SENP6: variants seen among roughly 807,000 people sequenced by gnomAD.
SENP6 encodes sentrin-specific protease 6.
SENP6 carries 41 observed loss-of-function variants against 134.5 expected under a neutral mutation model. That is an observed-to-expected ratio of 0.30 (90% CI 0.24 to 0.40). The LOEUF (loss-of-function observed/expected upper bound fraction) is 0.40. SENP6 is among the 10% of genes least tolerant of loss of function. The probability of loss-of-function intolerance (pLI) is 1.00; values close to 1 mark genes in which losing one functional copy is unlikely to be tolerated. For synonymous variants in SENP6, 395 were observed against 429.8 expected, an observed-to-expected ratio of 0.92 and a Z score of 1.00; for missense variants, 1,248 against 1,312.5, an observed-to-expected ratio of 0.95 and a Z score of 0.76.
chr6:75,631,429 T>C (rs1376404150), intron 3 of SENP6, among the ~76,000 whole-genome samples: 4 of 152,238 alleles, frequency 2.6e-5, no homozygotes, highest in Non-Finnish European at 5.9e-5. Context: ...TAAATTCTAA[T>C]AACTTGCTAT....
chr6:75,687,219 G>A (rs1278099029), intron 16 of SENP6, among the ~76,000 whole-genome samples: 1 of 152,158 alleles, frequency 6.6e-6, no homozygotes, highest in African/African-American at 2.4e-5. Context: ...GTGTCGTGAA[G>A]TTCTTGTGCA....
At position 75,716,044 on chromosome 6, in the gene SENP6, T is replaced by C. The variant is rs1420256401; in HGVS notation, c.*450T>C. On this transcript the variant is annotated 3_prime_UTR_variant, in exon 24 of 24. Coordinates refer to ENST00000447266, the MANE Select transcript of SENP6 (RefSeq NM_015571.4). The stretch of plus-strand genomic sequence containing the variant: ...TCTAAAATAAGTCAAAATGTGAAAA[T>C]AATATTAAATCTAAGATATTTTGAA... The C allele has an allele frequency of 6.5e-6, 1 of 152,870 alleles. No individual in the cohort carries two copies. The highest frequency in any genetic ancestry group is 1.5e-5 in the Non-Finnish European group (1 of 68,290). The allele number at this position is 152,870 out of a possible 1,614,324, so 9.5% of individuals were successfully genotyped here.
Position 75,709,520 on chromosome 6 carries a change from G to A in SENP6, c.2717-7G>A, listed in dbSNP as rs754763006. 6.2e-7 allele frequency: 1 copy of A among 1,602,126 alleles called. No individual in the cohort carries two copies. Among genetic ancestry groups the A allele is most frequent in the Non-Finnish European group, 8.5e-7 (1 of 1,169,598 alleles). On this transcript the variant is annotated splice_polypyrimidine_tract_variant and splice_region_variant and intron_variant, in intron 19 of 23. Coordinates refer to ENST00000447266, the MANE Select transcript of SENP6 (RefSeq NM_015571.4). ...TTTTTATTATGTAATGTTTCTTATT[G>A]ATACAGATGGCTTAAGCAAAATCAG...
At position 75,715,503 on chromosome 6, in the gene SENP6, G is replaced by T; in HGVS notation, c.3248G>T (p.Ser1083Ile). 4 of 1,613,330 alleles carry T rather than the reference G, an allele frequency of 2.5e-6. No individual in the cohort carries two copies. Among genetic ancestry groups the T allele is most frequent in the Non-Finnish European group, 1.7e-6 (2 of 1,179,498 alleles). ...NIILKLQEDQ[S>I]KEKRKHKDTY... The stretch of plus-strand genomic sequence containing the variant: ...ATTCTGAAGCTACAGGAAGATCAGA[G>T]CAAAGAGAAAAGAAAGCATAAGGAC... The change falls in exon 24 of 24, where the codon AGC becomes ATC. Residue 1083 changes from serine to isoleucine, a missense_variant. Physicochemically the swap from Ser to Ile is moderately radical, Grantham distance 142 (BLOSUM62 -2). This residue lies in a region of SENP6 where 386 missense variants were observed against 395.0 expected (regional missense o/e 0.98). Transcript: ENST00000447266.
At chr6:75,630,832 A>T (rs557307233) in intron 3 of SENP6, among the ~76,000 whole-genome samples, 1 of 142,746 alleles carries the variant, frequency 7.0e-6, no homozygotes, top group Non-Finnish European at 1.6e-5. Context: ...CTCCTAATAG[A>T]CATAAAACCA....
In SENP6 at chr6:75,633,571, T is replaced by C; in HGVS notation, c.208-10T>C. ...ATTTTTGACTCATATTTCTGGATCT[T>C]TTTTTACAGTTAAATCGTCGATCTG... On this transcript the variant is annotated splice_polypyrimidine_tract_variant and intron_variant, in intron 3 of 23. Coordinates refer to ENST00000447266, the MANE Select transcript of SENP6 (RefSeq NM_015571.4). The C allele has an allele frequency of 1.3e-6, 2 of 1,582,832 alleles. No homozygotes were observed. The highest frequency in any genetic ancestry group is 8.6e-7 in the Non-Finnish European group (1 of 1,169,310).
intron 11 of SENP6, among the ~76,000 whole-genome samples, chr6:75,672,885 T>A (rs1309168723): frequency 6.6e-6 from 1 of 152,146 alleles, no homozygotes; most frequent in African/African-American, 2.4e-5. Context: ...TGGAGTGCAG[T>A]GGCGCAATCT....
chr6:75,602,645 G>A (rs1766718355), intron 1 of SENP6, 69 bp downstream of exon 1: 3 of 1,469,430 alleles, frequency 2.0e-6, no homozygotes, highest in East Asian at 2.5e-5. Context: ...CCAGAACCCC[G>A]GATATTCAGT....
intron 18 of SENP6, among the ~76,000 whole-genome samples, chr6:75,701,207 T>C (rs1241527688): frequency 6.6e-6 from 1 of 152,224 alleles, no homozygotes; most frequent in Non-Finnish European, 1.5e-5. Flanking sequence ...ACAAATATTA[T>C]TGTGCTTGAC....
At chr6:75,674,389 T>C (rs1287170787) in intron 11 of SENP6, among the ~76,000 whole-genome samples, 2 of 152,108 alleles carry the variant, frequency 1.3e-5, no homozygotes, top group East Asian at 1.9e-4. Flanking sequence ...TGGCACAATC[T>C]TGGCTCATTG....
At chr6:75,626,113 TAGAG>T (rs1768668385) in intron 3 of SENP6, among the ~76,000 whole-genome samples, 1 of 142,582 alleles carries the variant, frequency 7.0e-6, no homozygotes, top group Non-Finnish European at 1.5e-5. Flanking sequence ...ACCAACTAAA[TAGAG>T]AGTTAGGTTT....
intron 3 of SENP6, among the ~76,000 whole-genome samples, chr6:75,625,921 A>T (rs1335993106): frequency 6.6e-6 from 1 of 152,196 alleles, no homozygotes; most frequent in Non-Finnish European, 1.5e-5. Context: ...GTCTTATTAG[A>T]TATATAAAAT....
chr6:75,684,654 A>C (rs1773703629), intron 16 of SENP6, among the ~76,000 whole-genome samples: 1 of 152,176 alleles, frequency 6.6e-6, no homozygotes, highest in Non-Finnish European at 1.5e-5. Context: ...TATTGAGATA[A>C]TCATGTGGTT....
intron 18 of SENP6, among the ~76,000 whole-genome samples, chr6:75,701,165 C>T (rs572963429): frequency 6.6e-6 from 1 of 152,292 alleles, no homozygotes; most frequent in South Asian, 2.1e-4. Context: ...GTTTTTCATC[C>T]AGCAAATATT....
chr6:75,640,247 G>A (rs1230932704), intron 5 of SENP6, among the ~76,000 whole-genome samples: 1 of 152,154 alleles, frequency 6.6e-6, no homozygotes, highest in Non-Finnish European at 1.5e-5. Flanking sequence ...CTCGTCTTCT[G>A]GCAATGTAAT....
intron 7 of SENP6, chr6:75,654,864 T>C (rs1432263833): frequency 2.0e-5 from 3 of 152,228 alleles, no homozygotes; most frequent in African/African-American, 7.2e-5. Flanking sequence ...TGTGTATATC[T>C]ATGTGGTAGA....
At chr6:75,680,722 C>G (rs1773404651) in intron 16 of SENP6, among the ~76,000 whole-genome samples, 1 of 152,122 alleles carries the variant, frequency 6.6e-6, no homozygotes, top group Non-Finnish European at 1.5e-5. Context: ...CCCCTGAACT[C>G]CATTAGAGAT....
intron 7 of SENP6, among the ~76,000 whole-genome samples, chr6:75,653,367 G>C (rs1771066218): frequency 6.6e-6 from 1 of 152,098 alleles, no homozygotes; most frequent in African/African-American, 2.4e-5. Flanking sequence ...GTACATTGTA[G>C]TTGAATCTGT....
chr6:75,671,445 C>T (rs972004760), intron 11 of SENP6, among the ~76,000 whole-genome samples: 12 of 152,144 alleles, frequency 7.9e-5, no homozygotes, highest in Non-Finnish European at 1.6e-4. Flanking sequence ...AACTTATTGC[C>T]GGGCGCGGTG....
Sources: allele counts gnomAD v4.1 joint callset (sites outside exome capture counted in the v4.1 genomes callset), GRCh38; gene constraint gnomAD v4.1.1; regional missense constraint gnomAD v4.1.1; transcripts MANE v1.5; gene names NCBI Gene and HGNC (gene_info 2026-07-23, HGNC 2026-07-21).